Variants in GABRB3 observed in about 807,000 individuals in gnomAD.
GABRB3 encodes gamma-aminobutyric acid type A receptor subunit beta3.
GABRB3 carries 14 observed loss-of-function variants against 52.1 expected under a neutral mutation model. The observed-to-expected ratio is 0.27, with a 90% CI of 0.18 to 0.42. The LOEUF (loss-of-function observed/expected upper bound fraction) is 0.42. Among genes scored for constraint, GABRB3 ranks in the 10% least tolerant of loss-of-function variants. The pLI, the probability that GABRB3 is intolerant of heterozygous loss-of-function variation, is 1.00. For synonymous variants in GABRB3, 260 were observed against 232.3 expected, an observed-to-expected ratio of 1.12 and a Z score of -1.08; for missense variants, 307 against 609.1, an observed-to-expected ratio of 0.50 and a Z score of 5.22.
rs148316950 is a variant in GABRB3, at chr15:26,712,153, T to G, written c.240+60249A>C. On this transcript the variant is annotated intron_variant, in intron 3 of 8. Transcript: ENST00000311550. ...GGGAGGATGTGAAGGAGAAGGAGAATGCTCACATCAGTGGACTTTTCTTTC... is the reference window on the plus strand; with the variant it reads ...GGGAGGATGTGAAGGAGAAGGAGAAGGCTCACATCAGTGGACTTTTCTTTC... Among the ~76,000 whole-genome samples the G allele has an allele frequency of 6.8e-4, 100 of 148,098 alleles. 1 individual carries two copies. The highest frequency in any genetic ancestry group is 1.2e-3 in the Admixed American group (17 of 14,714).
intron 4 of GABRB3, chr15:26,613,934 C>T (rs1389410149): frequency 6.6e-6 from 1 of 152,188 alleles, no homozygotes; most frequent in African/African-American, 2.4e-5. Flanking sequence ...CACAGTGCAG[C>T]CATATACAGC....
chr15:26,759,666 G>C (rs957128841), intron 3 of GABRB3, among the ~76,000 whole-genome samples: 1 of 152,202 alleles, frequency 6.6e-6, no homozygotes, highest in Non-Finnish European at 1.5e-5. Context: ...CACTGCAGAC[G>C]ATACTGACCA....
intron 4 of GABRB3, among the ~76,000 whole-genome samples, chr15:26,609,087 CACACACACACACACAT>C (rs58070560): frequency 0.22 from 26,463 of 120,668 alleles, 2,312 homozygotes; most frequent in African/African-American, 0.26. Flanking sequence ...TAATGATACA[CACACACACACACACAT>C]ACACACACAC....
chr15:26,584,423 T>G (rs1180216285), intron 4 of GABRB3, among the ~76,000 whole-genome samples: 1 of 152,166 alleles, frequency 6.6e-6, no homozygotes. Context: ...ACCTCACCTC[T>G]GCTTCTTTCT....
At chr15:26,648,453 T>G (rs555698696) in intron 3 of GABRB3, among the ~76,000 whole-genome samples, 3 of 152,266 alleles carry the variant, frequency 2.0e-5, no homozygotes, top group African/African-American at 4.8e-5. Flanking sequence ...AAGCTCTAAA[T>G]TTAAAATAAG....
At chr15:26,739,141 G>A (rs1399661336) in intron 3 of GABRB3, among the ~76,000 whole-genome samples, 6 of 152,114 alleles carry the variant, frequency 3.9e-5, no homozygotes, top group African/African-American at 1.2e-4. Flanking sequence ...TAGCACAGCT[G>A]ACACTGGGAG....
intron 3 of GABRB3, among the ~76,000 whole-genome samples, chr15:26,659,536 A>G (rs1033175685): frequency 6.6e-6 from 1 of 152,172 alleles, no homozygotes; most frequent in African/African-American, 2.4e-5. Context: ...AAATAAATAA[A>G]TAAGTAAATA....
chr15:26,583,181 GTC>G (rs778140900), intron 5 of GABRB3, 149 bp downstream of exon 5: 2,545 of 656,548 alleles, frequency 3.9e-3, no homozygotes, highest in East Asian at 4.4e-3. Flanking sequence ...TTTATACTGA[GTC>G]TCTCTCTCTC....
chr15:26,735,447 G>A (rs1464873259), intron 3 of GABRB3, among the ~76,000 whole-genome samples: 4 of 152,220 alleles, frequency 2.6e-5, no homozygotes, highest in Admixed American at 1.3e-4. Flanking sequence ...AAGCAAGTTT[G>A]CAAAAAGATA....
At chr15:26,713,489 G>A (rs1288003344) in intron 3 of GABRB3, among the ~76,000 whole-genome samples, 1 of 152,094 alleles carries the variant, frequency 6.6e-6, no homozygotes, top group Non-Finnish European at 1.5e-5. Flanking sequence ...CACAATGCTG[G>A]GTTCAGGAGT....
At chr15:26,717,270 A>ACCTCCACTCAATGACAACC in intron 3 of GABRB3, among the ~76,000 whole-genome samples, 1 of 146,670 alleles carries the variant, frequency 6.8e-6, no homozygotes, top group South Asian at 2.2e-4. Context: ...AGCTCTGGGG[A>ACCTCCACTCAATGACAACC]TATCCACCCG....
At chr15:26,717,227 C>A (rs1038570757) in intron 3 of GABRB3, among the ~76,000 whole-genome samples, 1 of 150,646 alleles carries the variant, frequency 6.6e-6, no homozygotes, top group African/African-American at 2.4e-5. Flanking sequence ...CAATGACAAC[C>A]TAGCTCTGGG....
chr15:26,574,099 T>A (rs929817672), intron 6 of GABRB3, among the ~76,000 whole-genome samples: 1 of 152,150 alleles, frequency 6.6e-6, no homozygotes, highest in Non-Finnish European at 1.5e-5. Context: ...ATTGTTTAAC[T>A]GGGAAGAGGC....
chr15:26,723,434 C>T (rs1889693812), intron 3 of GABRB3, among the ~76,000 whole-genome samples: 1 of 152,210 alleles, frequency 6.6e-6, no homozygotes, highest in African/African-American at 2.4e-5. Context: ...AGAAATCCTA[C>T]ATTTTGGCAT....
At chr15:26,725,481 G>A (rs951489939) in intron 3 of GABRB3, among the ~76,000 whole-genome samples, 2 of 152,194 alleles carry the variant, frequency 1.3e-5, no homozygotes, top group African/African-American at 4.8e-5. Flanking sequence ...AAGCGCCAAT[G>A]TTACTTGCTA....
chr15:26,621,597 G>T lies in GABRB3; in HGVS notation c.241-63C>A. 7.5e-7 allele frequency: 1 copy of T among 1,332,478 alleles called. No individual in the cohort carries two copies. The highest frequency in any genetic ancestry group is 1.2e-5 in the South Asian group (1 of 83,628). 82.5% of individuals were successfully genotyped at this position (1,332,478 alleles called of 1,614,324 possible). A position where few individuals can be genotyped will look rare whatever the true frequency, so the allele number is the denominator to read the frequency against. On this transcript the variant is annotated intron_variant, in intron 3 of 8. Coordinates refer to ENST00000311550, the MANE Select transcript of GABRB3 (RefSeq NM_000814.6). This position sits in a 1 kb window ranked among gnomAD's most constrained non-coding sequence, Gnocchi z 4.1. ...CCAGCCACAGGTGTATTTCCTCCAC[G>T]ACCAGCCAAATTCAGGTTGCAATCT...
intron 8 of GABRB3, chr15:26,557,645 T>C (rs1415603527): frequency 6.6e-6 from 1 of 152,200 alleles, no homozygotes; most frequent in African/African-American, 2.4e-5. Context: ...GCATCAAATA[T>C]GCATTTAGAA....
At chr15:26,703,210 C>A (rs1190829373) in intron 3 of GABRB3, among the ~76,000 whole-genome samples, 1 of 152,138 alleles carries the variant, frequency 6.6e-6, no homozygotes, top group Non-Finnish European at 1.5e-5. Flanking sequence ...TTAATTTCCT[C>A]ACAGTTCTAG....
chr15:26,762,922 G>A (rs148973632), intron 3 of GABRB3, among the ~76,000 whole-genome samples: 10 of 152,338 alleles, frequency 6.6e-5, no homozygotes, highest in African/African-American at 2.4e-4. Flanking sequence ...ATTCAGAAAT[G>A]AAAACTCATT....
Sources: allele counts gnomAD v4.1 joint callset (sites outside exome capture counted in the v4.1 genomes callset), GRCh38; gene constraint gnomAD v4.1.1; non-coding constraint Gnocchi (gnomAD v3.1); transcripts MANE v1.5; gene names NCBI Gene and HGNC (gene_info 2026-07-23, HGNC 2026-07-21).